Variants in ZDHHC1 observed in about 807,000 individuals in gnomAD.
ZDHHC1 encodes the protein zDHHC palmitoyltransferase 1.
ZDHHC1 carries 45 observed loss-of-function variants against 46.9 expected under a neutral mutation model. The observed-to-expected ratio is 0.96, with a 90% confidence interval of 0.76 to 1.23. The LOEUF is 1.23. Ranked by LOEUF, ZDHHC1 falls within the 50% of genes most tolerant of loss-of-function variation. ZDHHC1 has a pLI of 0.00. For missense variants in ZDHHC1, 649 were observed against 670.8 expected (o/e 0.97, Z 0.36); for synonymous variants, 291 against 286.0 (o/e 1.02, Z -0.18).
chr16:67,396,679 C>T (rs1011218476), intron 8 of ZDHHC1, among the ~76,000 whole-genome samples: 1 of 152,200 alleles, frequency 6.6e-6, no homozygotes, highest in African/African-American at 2.4e-5. Flanking sequence ...GTGGGGGCGC[C>T]AGCCTGGGCC....
In ZDHHC1 at chr16:67,394,869, G is replaced by C; in HGVS notation, c.1190C>G (p.Ser397Cys). ...GTCCGCGGAATCCGTCGACGAGCTG[G>C]AGCGGCGGCTGGGGGCCCTAGGCCC... ...ASGPRAPSRR[S>C]SSSTDSADAS... is the part of the protein sequence containing the mutation. Residue 397 changes from serine (S) to cysteine (C), a missense_variant, in exon 12 of 12, where the codon TCC becomes TGC. By Grantham distance (112) the Ser-to-Cys change is moderately radical. Transcript: ENST00000565726. The C allele has an allele frequency of 6.4e-7, 1 of 1,567,764 alleles. No homozygotes were observed. Among genetic ancestry groups the C allele is most frequent in the Non-Finnish European group, 8.6e-7 (1 of 1,159,208 alleles).
At chr16:67,402,079 C>G (rs548780111) in intron 3 of ZDHHC1, among the ~76,000 whole-genome samples, 3 of 152,352 alleles carry the variant, frequency 2.0e-5, no homozygotes, top group African/African-American at 7.2e-5. Flanking sequence ...CCAAATTTCT[C>G]TACATATCTG....
chr16:67,402,361 T>TG (rs1213824865), intron 3 of ZDHHC1, among the ~76,000 whole-genome samples: 5 of 152,178 alleles, frequency 3.3e-5, no homozygotes, highest in Non-Finnish European at 7.4e-5. Flanking sequence ...TTCACTCCTC[T>TG]GCTCAGTGCT....
intron 4 of ZDHHC1, 31 bp from the exon 5 acceptor site, chr16:67,399,487 C>G: frequency 6.4e-7 from 1 of 1,570,668 alleles, no homozygotes; most frequent in Non-Finnish European, 8.7e-7. Flanking sequence ...GCGCGATTGG[C>G]CGGCTCATTC....
intron 1 of ZDHHC1, among the ~76,000 whole-genome samples, chr16:67,411,376 AAGGAAG>A (rs1311804565): frequency 2.1e-4 from 32 of 152,168 alleles, no homozygotes; most frequent in Non-Finnish European, 3.4e-4. Flanking sequence ...GGTGGGATCA[AAGGAAG>A]AGGGCTGAGC....
In ZDHHC1 at chr16:67,399,279, T is replaced by C. The variant is rs1180176263; in HGVS notation, c.530+76A>G. 19 of 1,342,794 alleles carry C rather than the reference T, an allele frequency of 1.4e-5. No homozygotes were observed. The Admixed American group carries it at 2.3e-4, about 17-fold the overall frequency. The allele number at this position is 1,342,794 out of a possible 1,614,324, so 83.2% of individuals were successfully genotyped here. On this transcript the variant is annotated intron_variant, in intron 5 of 11. Coordinates refer to ENST00000565726, the MANE Select transcript of ZDHHC1 (RefSeq NM_001323627.2). ...CATCCCCATCCCCGCCCGCCTGCCA[T>C]GCGAGCTGCAAGGTCTGTGGCTCCC...
At chr16:67,402,158 C>T (rs942221876) in intron 3 of ZDHHC1, among the ~76,000 whole-genome samples, 4 of 152,256 alleles carry the variant, frequency 2.6e-5, no homozygotes, top group African/African-American at 9.6e-5. Flanking sequence ...GCCATCACTA[C>T]CCCTTCTATC....
intron 4 of ZDHHC1, among the ~76,000 whole-genome samples, chr16:67,399,996 G>A (rs1016020022): frequency 7.2e-5 from 11 of 152,250 alleles, no homozygotes; most frequent in Non-Finnish European, 1.6e-4. Context: ...TGAGCATGCA[G>A]GTGCTCACCA....
At chr16:67,412,737 A>G (rs956631147) in intron 1 of ZDHHC1, among the ~76,000 whole-genome samples, 1 of 152,164 alleles carries the variant, frequency 6.6e-6, no homozygotes, top group African/African-American at 2.4e-5. Context: ...TTTTGTTCCC[A>G]TGCATCTTGT....
Position 67,394,839 on chromosome 16 carries a change from C to T in ZDHHC1, c.1220G>A (p.Ser407Asn). The change falls in exon 12 of 12, where the codon AGC becomes AAC. Residue 407 changes from serine to asparagine, a missense_variant. Physicochemically the swap from Ser to Asn is conservative, Grantham distance 46. Transcript: ENST00000565726. ...GGCAGGGCCAGCGGCGTGCACAGGG[C>T]TGGCGTCCGCGGAATCCGTCGACGA... is the stretch of plus-strand genomic sequence containing the variant. Reference protein sequence around the residue: ...SSSSTDSADASPVHAAGPAGA... With the variant: ...SSSSTDSADANPVHAAGPAGA... 1 of 1,550,268 alleles carries T rather than the reference C, an allele frequency of 6.5e-7. No individual in the cohort carries two copies. The highest frequency in any genetic ancestry group is 8.7e-7 in the Non-Finnish European group (1 of 1,151,372).
At chr16:67,412,957 C>T (rs557920763) in intron 1 of ZDHHC1, among the ~76,000 whole-genome samples, 5 of 151,994 alleles carry the variant, frequency 3.3e-5, no homozygotes, top group Admixed American at 6.6e-5. Flanking sequence ...CCCGCCGCCA[C>T]GCCCGGCTAC....
chr16:67,406,499 A>T lies in ZDHHC1; in HGVS notation c.10-57T>A, dbSNP rs2040663053. On this transcript the variant is annotated intron_variant, in intron 2 of 11. Transcript: ENST00000565726. The surrounding 1 kb of genome is among the most constrained non-coding windows in gnomAD (Gnocchi z 4.1). ...AGCCCAAGAAGCTGGGCTGGAGCCC[A>T]GGGCCTGTGTCTGCAGCCAAGTTTC... 6.9e-7 allele frequency: 1 copy of T among 1,450,348 alleles called. No individual in the cohort carries two copies. Among genetic ancestry groups the T allele is most frequent in the African/African-American group, 1.4e-5 (1 of 69,828 alleles). 89.8% of individuals were successfully genotyped at this position (1,450,348 alleles called of 1,614,324 possible).
chr16:67,405,473 A>C (rs2142248448), intron 3 of ZDHHC1, among the ~76,000 whole-genome samples: 1 of 152,326 alleles, frequency 6.6e-6, no homozygotes, highest in South Asian at 2.1e-4. Context: ...ATCTTTGTGA[A>C]GGACACTCAA....
At chr16:67,398,391 G>A (rs1209143601) in intron 7 of ZDHHC1, 67 bp from the exon 8 acceptor site, 2 of 1,555,118 alleles carry the variant, frequency 1.3e-6, no homozygotes, top group Non-Finnish European at 1.7e-6. Flanking sequence ...CAGGAGGGAG[G>A]ACAACCAGCC....
Position 67,399,381 on chromosome 16 carries a change from G to A in ZDHHC1, c.504C>T (p.Asn168=), listed in dbSNP as rs1453269919. The change falls in exon 5 of 12, where the codon AAC becomes AAT. Residue 168 remains asparagine (N), a synonymous_variant. Coordinates refer to ENST00000565726, the MANE Select transcript of ZDHHC1 (RefSeq NM_001323627.2). ...GGTAGTTCCGCTCGCCCACACAGTT[G>A]TTGAGCCACTTGCAGTGGTGGTCGA... ...CGFDHHCKWL[N]NCVGERNYRL... is the part of the protein sequence containing the mutation. 1 of 1,613,208 alleles carries A rather than the reference G, an allele frequency of 6.2e-7. No individual in the cohort carries two copies. The highest frequency in any genetic ancestry group is 2.2e-5 in the East Asian group (1 of 44,874).
rs1455603925 is a variant in ZDHHC1 at position 67,394,813 on chromosome 16, C to T, written c.1246G>A (p.Gly416Ser). 47 of 1,530,758 alleles carry T rather than the reference C, an allele frequency of 3.1e-5. No homozygotes were observed. The highest frequency in any genetic ancestry group is 3.6e-5 in the Non-Finnish European group (41 of 1,143,272). The allele number at this position is 1,530,758 out of a possible 1,614,324, so 94.8% of individuals were successfully genotyped here. ...ASPVHAAGPAGAYHSASAESV... is the reference protein window; with the variant it reads ...ASPVHAAGPASAYHSASAESV... ...TCTGCCGACGCCGAGTGGTAGGCGC[C>T]GGCAGGGCCAGCGGCGTGCACAGGG... Residue 416 changes from glycine (G) to serine (S), a missense_variant, in exon 12 of 12, where the codon GGC (glycine) becomes AGC (serine). Gly to Ser is a moderately conservative substitution (Grantham distance 56). Coordinates refer to ENST00000565726, the MANE Select transcript of ZDHHC1 (RefSeq NM_001323627.2).
intron 7 of ZDHHC1, 29 bp from the exon 8 acceptor site, chr16:67,398,353 G>A (rs369638030): frequency 4.1e-5 from 66 of 1,596,990 alleles, no homozygotes; most frequent in Middle Eastern, 1.7e-4. Context: ...GGCTCAGTGC[G>A]GTGGAAGGGG....
rs1052293456 is a variant in ZDHHC1, at chr16:67,401,447, G to T, written c.253-315C>A. On this transcript the variant is annotated intron_variant, in intron 3 of 11. Transcript: ENST00000565726. This position sits in a 1 kb window ranked among gnomAD's most constrained non-coding sequence, Gnocchi z 4.6. Reference sequence around the variant, plus strand: ...TCCAGGCCTGGTGCAGGCCCTGGCTGGTCTGACCTCAGGCTGGTTTCTGGT... The same window carrying T: ...TCCAGGCCTGGTGCAGGCCCTGGCTTGTCTGACCTCAGGCTGGTTTCTGGT... Among the ~76,000 whole-genome samples, 6 of 152,228 alleles carry T rather than the reference G, an allele frequency of 3.9e-5. No homozygotes were observed. The highest frequency in any genetic ancestry group is 1.4e-4 in the African/African-American group (6 of 41,458).
In ZDHHC1 at chr16:67,406,409, C is replaced by CTT. The variant is rs1386525961; in HGVS notation, c.42_43insAA (p.Ala15LysfsTer51). The CTT allele has an allele frequency of 5.3e-5, 83 of 1,563,696 alleles. No homozygotes were observed. The highest frequency in any genetic ancestry group is 7.1e-5 in the Non-Finnish European group (82 of 1,153,996). ...GCCGTCCACACACTCTTCTCAGGGG[C>CTT]CGTCTTGTTGGAGGGCTTGTTGCAG... On this transcript the variant is annotated frameshift_variant, in exon 3 of 12. Coordinates refer to ENST00000565726, the MANE Select transcript of ZDHHC1 (RefSeq NM_001323627.2). LOFTEE classifies it high-confidence loss of function. The surrounding 1 kb of genome is among the most constrained non-coding windows in gnomAD (Gnocchi z 4.1).
Sources: gnomAD v4.1 joint callset for allele counts (sites outside exome capture counted in the v4.1 genomes callset) on GRCh38, gnomAD v4.1.1 for gene constraint, Gnocchi (gnomAD v3.1) non-coding constraint, MANE v1.5 for transcripts, NCBI Gene and HGNC (gene_info 2026-07-23, HGNC 2026-07-21) for gene names.